WDR89: variants seen among roughly 807,000 people sequenced by gnomAD.
WDR89 encodes the protein WD repeat-containing protein 89.
Under a neutral mutation model 29.1 loss-of-function variants are expected in WDR89, and 17 were observed. That is an observed-to-expected ratio of 0.58 (90% CI 0.40 to 0.88). WDR89 has a LOEUF of 0.88. WDR89 is among the 40% of genes least tolerant of loss of function. The pLI is 0.00. For missense variants in WDR89, 396 were observed against 456.3 expected (o/e 0.87, Z 1.20); for synonymous variants, 138 against 157.8 (o/e 0.87, Z 0.94).
At chr14:63,612,128 C>CA (rs1882027548) in intron 2 of WDR89, among the ~76,000 whole-genome samples, 1 of 152,036 alleles carries the variant, frequency 6.6e-6, no homozygotes, top group South Asian at 2.1e-4. Context: ...AAAAGCCCTT[C>CA]GGTCAAACTC....
chr14:63,613,420 C>T (rs1472999365), intron 2 of WDR89, among the ~76,000 whole-genome samples: 3 of 151,760 alleles, frequency 2.0e-5, no homozygotes, highest in Non-Finnish European at 4.4e-5. Flanking sequence ...GCCAGAAGCT[C>T]TTGTATTAAA....
At chr14:63,612,664 A>C (rs2139518162) in intron 2 of WDR89, among the ~76,000 whole-genome samples, 1 of 152,222 alleles carries the variant, frequency 6.6e-6, no homozygotes, top group South Asian at 2.1e-4. Context: ...TAATCCCAAC[A>C]AGCAAGAGCC....
At position 63,598,540 on chromosome 14, in the gene WDR89, C is replaced by T; in HGVS notation, c.*239G>A. 3.1e-6 allele frequency: 1 copy of T among 326,468 alleles called. No homozygotes were observed. The highest frequency in any genetic ancestry group is 5.5e-6 in the Non-Finnish European group (1 of 182,088). The allele number at this position is 326,468 out of a possible 1,614,324, so 20.2% of individuals were successfully genotyped here. The stretch of plus-strand genomic sequence containing the variant: ...TTAAAGCCAACATTTACTACATTAA[C>T]AGATGGGTTCTTTAAATAAGAAATT... On this transcript the variant is annotated 3_prime_UTR_variant, in exon 3 of 3. Coordinates refer to ENST00000620954, the MANE Select transcript of WDR89 (RefSeq NM_080666.4).
intron 1 of WDR89, among the ~76,000 whole-genome samples, chr14:63,631,734 C>T (rs1263820510): frequency 2.0e-5 from 3 of 151,996 alleles, no homozygotes; most frequent in Non-Finnish European, 4.4e-5. Context: ...GGCACTGACT[C>T]GATTTGGAAG....
At chr14:63,618,808 A>G (rs943860511) in intron 2 of WDR89, among the ~76,000 whole-genome samples, 3 of 152,200 alleles carry the variant, frequency 2.0e-5, no homozygotes, top group African/African-American at 7.2e-5. Context: ...AAGATTCTAC[A>G]AGTGTCCACG....
chr14:63,599,989 A>G lies in WDR89; in HGVS notation c.-31-16T>C, dbSNP rs749778912. ...TAGTAAAACTCTGTAAAAAATAATAATAATAAAAATAAAAATTAATGCTTA... is the reference window on the plus strand; with the variant it reads ...TAGTAAAACTCTGTAAAAAATAATAGTAATAAAAATAAAAATTAATGCTTA... On this transcript the variant is annotated splice_polypyrimidine_tract_variant and intron_variant, in intron 2 of 2. Coordinates refer to ENST00000620954, the MANE Select transcript of WDR89 (RefSeq NM_080666.4). The G allele has an allele frequency of 7.6e-7, 1 of 1,307,932 alleles. No individual in the cohort carries two copies. The highest frequency in any genetic ancestry group is 1.0e-6 in the Non-Finnish European group (1 of 1,004,100). 81.0% of individuals were successfully genotyped at this position (1,307,932 alleles called of 1,614,324 possible). A position where few individuals can be genotyped will look rare whatever the true frequency, so the allele number is the denominator to read the frequency against.
chr14:63,622,710 T>C (rs1882779547), intron 2 of WDR89, among the ~76,000 whole-genome samples: 1 of 151,778 alleles, frequency 6.6e-6, no homozygotes, highest in African/African-American at 2.4e-5. Flanking sequence ...GAGGCTGCAG[T>C]GAGCTGAGAT....
intron 2 of WDR89, among the ~76,000 whole-genome samples, chr14:63,620,602 G>C (rs376345060): frequency 6.9e-4 from 105 of 152,050 alleles, no homozygotes; most frequent in African/African-American, 2.4e-3. Context: ...TTGCTAAGAG[G>C]GGGCAGGCAC....
chr14:63,635,157 C>T lies in WDR89; in HGVS notation c.-138+6647G>A, dbSNP rs184875335. ...GCCAGCATCACCCTAATACCAAAAC[C>T]AGGAAAGGACATAACCAAAAAACAA... On this transcript the variant is annotated intron_variant, in intron 1 of 2. Coordinates refer to ENST00000620954, the MANE Select transcript of WDR89 (RefSeq NM_080666.4). 1.5e-3 allele frequency among the ~76,000 whole-genome samples: 225 copies of T among 152,222 alleles called. 1 individual carries two copies. The highest frequency in any genetic ancestry group is 6.8e-3 in the Middle Eastern group (2 of 294).
At chr14:63,636,829 A>C (rs1247625852) in intron 1 of WDR89, among the ~76,000 whole-genome samples, 1 of 152,228 alleles carries the variant, frequency 6.6e-6, no homozygotes, top group East Asian at 1.9e-4. Context: ...ACAACATTGG[A>C]AAAACCCTTC....
At chr14:63,641,367 C>T (rs1884122872) in intron 1 of WDR89, 1 of 152,190 alleles carries the variant, frequency 6.6e-6, no homozygotes. Context: ...ACATCCCATA[C>T]TACGGGTCGT....
intron 2 of WDR89, among the ~76,000 whole-genome samples, chr14:63,614,250 T>C (rs1331603556): frequency 6.6e-6 from 1 of 151,968 alleles, no homozygotes; most frequent in Non-Finnish European, 1.5e-5. Context: ...CCACAAAAGC[T>C]TTATACGAGA....
Position 63,598,893 on chromosome 14 carries a change from AG to A in WDR89, c.1049del (p.Pro350LeufsTer4). ...GEDAQLLLWKPGAIEKTFTKK... is the reference protein window; with the variant it reads ...GEDAQLLLWKXGAIEKTFTKK... The stretch of plus-strand genomic sequence containing the variant: ...TTGTAAAGGTCTTCTCTATAGCTCC[AG>A]GTTTCCAAAGTAACAACTGTGCATC... On this transcript the variant is annotated frameshift_variant, in exon 3 of 3. Coordinates refer to ENST00000620954, the MANE Select transcript of WDR89 (RefSeq NM_080666.4). LOFTEE classifies it high-confidence loss of function. The A allele has an allele frequency of 1.2e-6, 2 of 1,614,214 alleles. No homozygotes were observed. The highest frequency in any genetic ancestry group is 1.7e-6 in the Non-Finnish European group (2 of 1,180,020).
intron 2 of WDR89, among the ~76,000 whole-genome samples, chr14:63,619,344 T>G (rs372402566): frequency 1.3e-5 from 2 of 152,246 alleles, no homozygotes; most frequent in African/African-American, 4.8e-5. Flanking sequence ...CACAGTCTGA[T>G]AGAAGCACAG....
chr14:63,626,134 G>A (rs1347004621), intron 1 of WDR89, among the ~76,000 whole-genome samples: 1 of 152,042 alleles, frequency 6.6e-6, no homozygotes, highest in Non-Finnish European at 1.5e-5. Context: ...TCACAGGTGT[G>A]AGCCACCACA....
In WDR89 at chr14:63,607,601, G is replaced by A. The variant is rs115686615; in HGVS notation, c.-31-7628C>T. Among the ~76,000 whole-genome samples, 901 of 152,232 alleles carry A rather than the reference G, an allele frequency of 5.9e-3. 7 individuals are homozygous for A. Among genetic ancestry groups the A allele is most frequent in the African/African-American group, 0.021 (866 of 41,546 alleles). The stretch of plus-strand genomic sequence containing the variant: ...CTGAAGGGCAATTAAGAAACCCCAG[G>A]CCAGGCATGGTGGCTCACATCTGTA... On this transcript the variant is annotated intron_variant, in intron 2 of 2. Coordinates refer to ENST00000620954, the MANE Select transcript of WDR89 (RefSeq NM_080666.4).
chr14:63,626,831 T>C (rs957283586), intron 1 of WDR89, among the ~76,000 whole-genome samples: 3 of 150,472 alleles, frequency 2.0e-5, no homozygotes, highest in Non-Finnish European at 4.4e-5. Context: ...TCTGTAAACA[T>C]TCTAGGTTGG....
At chr14:63,618,691 A>G (rs545654817) in intron 2 of WDR89, among the ~76,000 whole-genome samples, 2 of 152,258 alleles carry the variant, frequency 1.3e-5, no homozygotes, top group East Asian at 3.9e-4. Flanking sequence ...AAAGAAAAAA[A>G]CAAACAAACA....
intron 1 of WDR89, among the ~76,000 whole-genome samples, chr14:63,629,938 CAG>C (rs1483478923): frequency 6.6e-6 from 1 of 152,056 alleles, no homozygotes; most frequent in African/African-American, 2.4e-5. Flanking sequence ...ATTACATATT[CAG>C]AGTCATAAAC....
Sources: allele counts gnomAD v4.1 joint callset (sites outside exome capture counted in the v4.1 genomes callset), GRCh38; gene constraint gnomAD v4.1.1; transcripts MANE v1.5; gene names NCBI Gene and HGNC (gene_info 2026-07-23, HGNC 2026-07-21).